Variants in AGBL1 observed in about 807,000 individuals in gnomAD.
The protein encoded by AGBL1 is AGBL carboxypeptidase 1.
Under a neutral mutation model 118.9 loss-of-function variants are expected in AGBL1, and 130 were observed. The ratio of observed to expected loss-of-function variants is 1.09; its 90% CI spans 0.95 to 1.26. The LOEUF is 1.26. Among genes scored for constraint, AGBL1 ranks in the 50% most tolerant of loss-of-function variants. The pLI, the probability that AGBL1 is intolerant of heterozygous loss-of-function variation, is 0.00. For missense variants in AGBL1, 1,584 were observed against 1,298.1 expected, an observed-to-expected ratio of 1.22 and a Z score of -3.38; for synonymous variants, 555 against 478.9, an observed-to-expected ratio of 1.16 and a Z score of -2.08.
chr15:86,447,965 C>T (rs557196087), intron 18 of AGBL1, among the ~76,000 whole-genome samples: 2 of 151,916 alleles, frequency 1.3e-5, no homozygotes, highest in Admixed American at 6.6e-5. Flanking sequence ...GGCAACATAA[C>T]GAGACCTCGA....
intron 5 of AGBL1, among the ~76,000 whole-genome samples, chr15:86,191,914 A>C (rs1469142308): frequency 1.3e-5 from 2 of 148,704 alleles, no homozygotes; most frequent in Non-Finnish European, 1.5e-5. Context: ...TAAAAAAAAA[A>C]AAACAAAAAA....
intron 22 of AGBL1, among the ~76,000 whole-genome samples, chr15:86,786,940 A>G (rs1431521524): frequency 6.6e-6 from 1 of 152,092 alleles, no homozygotes; most frequent in Non-Finnish European, 1.5e-5. Context: ...GATGTTGCCA[A>G]ATTGGTCTGC....
At chr15:86,375,122 C>T (rs1386949801) in intron 17 of AGBL1, among the ~76,000 whole-genome samples, 2 of 152,226 alleles carry the variant, frequency 1.3e-5, no homozygotes, top group Admixed American at 1.3e-4. Context: ...TATCTGACCC[C>T]TGGTAAGATG....
intron 5 of AGBL1, among the ~76,000 whole-genome samples, chr15:86,163,798 A>C (rs988568159): frequency 1.3e-5 from 2 of 152,242 alleles, no homozygotes; most frequent in African/African-American, 4.8e-5. Context: ...TTATTGGTGA[A>C]TTTCCTATGT....
chr15:86,728,565 C>T (rs953617329), intron 22 of AGBL1, among the ~76,000 whole-genome samples: 5 of 152,096 alleles, frequency 3.3e-5, no homozygotes, highest in African/African-American at 1.2e-4. Flanking sequence ...ATACTGAAGC[C>T]TGGGGCTAAA....
chr15:86,754,004 C>T (rs1225541548), intron 22 of AGBL1, among the ~76,000 whole-genome samples: 1 of 152,010 alleles, frequency 6.6e-6, no homozygotes, highest in Non-Finnish European at 1.5e-5. Flanking sequence ...GACAATTGTT[C>T]CACAGAAAAG....
chr15:86,648,499 G>C (rs1430359553), intron 21 of AGBL1, among the ~76,000 whole-genome samples: 2 of 152,168 alleles, frequency 1.3e-5, no homozygotes, highest in Admixed American at 1.3e-4. Flanking sequence ...AGTTTAATAG[G>C]TTTGGAGCAG....
At chr15:86,397,270 A>G in intron 17 of AGBL1, 96 bp from the exon 18 acceptor site, 1 of 858,356 alleles carries the variant, frequency 1.2e-6, no homozygotes, top group Non-Finnish European at 1.6e-6. Context: ...TTTAATAAAA[A>G]TTAGTATCAA....
intron 18 of AGBL1, among the ~76,000 whole-genome samples, chr15:86,499,278 C>T (rs2082890441): frequency 6.6e-6 from 1 of 151,884 alleles, no homozygotes. Context: ...GAAAAACACG[C>T]TATTGTTAAT....
chr15:86,148,875 G>A (rs1020436446), intron 3 of AGBL1, among the ~76,000 whole-genome samples: 1 of 152,182 alleles, frequency 6.6e-6, no homozygotes, highest in Non-Finnish European at 1.5e-5. Flanking sequence ...GACAGCCAGA[G>A]AGAAAGGTCA....
chr15:86,161,633 A>G (rs774898875), intron 5 of AGBL1, among the ~76,000 whole-genome samples: 1 of 152,198 alleles, frequency 6.6e-6, no homozygotes, highest in Non-Finnish European at 1.5e-5. Context: ...GCTTATACCC[A>G]TGGAACAATT....
intron 18 of AGBL1, among the ~76,000 whole-genome samples, chr15:86,414,392 T>C (rs949179745): frequency 1.7e-4 from 26 of 152,280 alleles, no homozygotes; most frequent in African/African-American, 5.8e-4. Flanking sequence ...TTTTAGCCTG[T>C]CTAATATAGC....
At chr15:86,135,694 T>C (rs139135780) in intron 1 of AGBL1, among the ~76,000 whole-genome samples, 49 of 152,314 alleles carry the variant, frequency 3.2e-4, no homozygotes, top group African/African-American at 1.1e-3. Context: ...AAAATCTTGC[T>C]CTAGAGGAGC....
intron 21 of AGBL1, among the ~76,000 whole-genome samples, chr15:86,654,158 T>C (rs1245548566): frequency 6.6e-6 from 1 of 152,104 alleles, no homozygotes; most frequent in Non-Finnish European, 1.5e-5. Flanking sequence ...GCAGATCATG[T>C]ACCTGAGTGA....
At chr15:86,255,960 A>G (rs746927825) in intron 7 of AGBL1, among the ~76,000 whole-genome samples, 2 of 152,148 alleles carry the variant, frequency 1.3e-5, no homozygotes, top group Non-Finnish European at 2.9e-5. Context: ...TGTGGTGTGT[A>G]CCTAGCATCC....
intron 17 of AGBL1, among the ~76,000 whole-genome samples, chr15:86,353,167 T>C (rs2078821670): frequency 6.6e-6 from 1 of 152,230 alleles, no homozygotes; most frequent in African/African-American, 2.4e-5. Context: ...GTAGCTTTTA[T>C]ACCATGCTTT....
At chr15:86,310,993 C>T (rs941538022) in intron 17 of AGBL1, among the ~76,000 whole-genome samples, 4 of 152,150 alleles carry the variant, frequency 2.6e-5, no homozygotes, top group Non-Finnish European at 5.9e-5. Context: ...CTACTGGATG[C>T]CCTGCCGTGG....
chr15:86,177,275 A>G (rs2077494530), intron 5 of AGBL1, among the ~76,000 whole-genome samples: 1 of 152,226 alleles, frequency 6.6e-6, no homozygotes, highest in Admixed American at 6.5e-5. Flanking sequence ...TTACCTAATA[A>G]CAGAGCTTCA....
At chr15:86,590,133 A>G (rs1801414096) in intron 21 of AGBL1, among the ~76,000 whole-genome samples, 2 of 152,190 alleles carry the variant, frequency 1.3e-5, no homozygotes, top group African/African-American at 4.8e-5. Flanking sequence ...TTGAGGCTAC[A>G]CACAGAATGG....
Sources: allele counts gnomAD v4.1 joint callset (sites outside exome capture counted in the v4.1 genomes callset), GRCh38; gene constraint gnomAD v4.1.1; transcripts MANE v1.5; gene names NCBI Gene and HGNC (gene_info 2026-07-23, HGNC 2026-07-21).